NDE1: variants seen among roughly 807,000 people sequenced by gnomAD.
NDE1 encodes nuclear distribution protein nudE homolog 1.
NDE1 carries 28 observed loss-of-function variants against 43.4 expected under a neutral mutation model. That is an observed-to-expected ratio of 0.65 (90% CI 0.48 to 0.89). The LOEUF (loss-of-function observed/expected upper bound fraction) is 0.89. NDE1 is among the 40% of genes least tolerant of loss of function. The pLI is 0.00. For missense variants in NDE1, 441 were observed against 434.1 expected, an observed-to-expected ratio of 1.02 and a Z score of -0.14; for synonymous variants, 184 against 172.0, an observed-to-expected ratio of 1.07 and a Z score of -0.55.
rs140339691 is a variant in NDE1 at position 15,724,978 on chromosome 16, G to A, written c.*727G>A. 1.5e-5 allele frequency: 25 copies of A among 1,613,862 alleles called. No individual in the cohort carries two copies. The East Asian group carries it at 1.8e-4, about 12-fold the overall frequency. Reference sequence around the variant, plus strand: ...CGGCCTCGTTAAGCATCCCTGTGACGCTCTCAACTTCATTCTAAGGGTGCC... The same window carrying A: ...CGGCCTCGTTAAGCATCCCTGTGACACTCTCAACTTCATTCTAAGGGTGCC... On this transcript the variant is annotated 3_prime_UTR_variant, in exon 9 of 9. Transcript: ENST00000396354.
chr16:15,710,304 C>T lies in NDE1; in HGVS notation c.947+13444C>T, dbSNP rs190003732. Among the ~76,000 whole-genome samples, 719 of 152,116 alleles carry T rather than the reference C, an allele frequency of 4.7e-3. 9 individuals are homozygous for T. The highest frequency in any genetic ancestry group is 0.016 in the African/African-American group (663 of 41,498). On this transcript the variant is annotated intron_variant, in intron 8 of 8. Transcript: ENST00000396354. ...TTGGGAGACCGAGGCAGGTGGATCA[C>T]GAGGTCAGGAGATCGAGACCATCCC... is the stretch of plus-strand genomic sequence containing the variant.
intron 1 of NDE1, among the ~76,000 whole-genome samples, chr16:15,645,182 G>A (rs1409629952): frequency 6.6e-6 from 1 of 151,956 alleles, no homozygotes; most frequent in Admixed American, 6.6e-5. Context: ...GGCCTCTTTA[G>A]GATTACAGGG....
intron 1 of NDE1, among the ~76,000 whole-genome samples, chr16:15,654,837 A>G (rs555233048): frequency 6.0e-5 from 9 of 150,196 alleles, no homozygotes; most frequent in Non-Finnish European, 1.3e-4. Context: ...GCCATCTCTT[A>G]CAGTCACACA....
At chr16:15,722,821 A>G (rs925937203) in intron 8 of NDE1, among the ~76,000 whole-genome samples, 6 of 151,996 alleles carry the variant, frequency 3.9e-5, no homozygotes, top group East Asian at 1.9e-4. Context: ...GCTCACTGCA[A>G]CCTCCACCCC....
At chr16:15,714,940 G>C (rs750085824) in intron 8 of NDE1, 1 of 1,614,026 alleles carries the variant, frequency 6.2e-7, no homozygotes, top group Non-Finnish European at 8.5e-7. Context: ...TTCACCTCGC[G>C]GCCCATGGCC....
intron 1 of NDE1, among the ~76,000 whole-genome samples, chr16:15,655,456 T>G (rs562723171): frequency 6.6e-6 from 1 of 152,358 alleles, no homozygotes; most frequent in East Asian, 1.9e-4. Flanking sequence ...CTCTCTGACA[T>G]TTTTGAATGG....
At chr16:15,724,119 C>T in intron 8 of NDE1, 72 bp from the exon 9 acceptor site, 1 of 1,610,876 alleles carries the variant, frequency 6.2e-7, no homozygotes, top group Non-Finnish European at 8.5e-7. Flanking sequence ...TTCCCCAACC[C>T]AGCGTCCATG....
At position 15,708,817 on chromosome 16, in the gene NDE1, C is replaced by G. The variant is rs373899395; in HGVS notation, c.947+11957C>G. 2.5e-6 allele frequency: 4 copies of G among 1,608,956 alleles called. No individual in the cohort carries two copies. Among genetic ancestry groups the G allele is most frequent in the African/African-American group, 1.3e-5 (1 of 74,870 alleles). ...AGGCATGATACCTGGTGCATCACTG[C>G]GAAGTTTCCTGTGGGGGGGGCCCTC... On this transcript the variant is annotated intron_variant, in intron 8 of 8. Coordinates refer to ENST00000396354, the MANE Select transcript of NDE1 (RefSeq NM_017668.3).
Sources: allele counts gnomAD v4.1 joint callset (sites outside exome capture counted in the v4.1 genomes callset), GRCh38; gene constraint gnomAD v4.1.1; transcripts MANE v1.5; gene names NCBI Gene and HGNC (gene_info 2026-07-23, HGNC 2026-07-21).